Variants in NAA15 observed in about 807,000 individuals in gnomAD.
NAA15 encodes the protein N-alpha-acetyltransferase 15, NatA auxiliary subunit.
NAA15 carries 34 observed loss-of-function variants against 114.0 expected under a neutral mutation model. The observed-to-expected ratio is 0.30, with a 90% CI of 0.23 to 0.40. The LOEUF (loss-of-function observed/expected upper bound fraction) is 0.40, where lower values mean the gene tolerates loss of function less well. Ranked by LOEUF, NAA15 falls within the 10% of genes least tolerant of loss-of-function variation. The pLI, the probability that NAA15 is intolerant of heterozygous loss-of-function variation, is 1.00. For missense variants in NAA15, 658 were observed against 1,004.5 expected (o/e 0.66, Z 4.66); for synonymous variants, 340 against 338.0 (o/e 1.01, Z -0.06).
chr4:139,376,771 A>C (rs112029241), intron 16 of NAA15, among the ~76,000 whole-genome samples: 1,999 of 152,368 alleles, frequency 0.013, 39 homozygotes, highest in African/African-American at 0.045. Flanking sequence ...GTTAATACAC[A>C]GAGCTTAGAC....
At chr4:139,383,433 C>T (rs1333623591) in intron 17 of NAA15, among the ~76,000 whole-genome samples, 1 of 152,136 alleles carries the variant, frequency 6.6e-6, no homozygotes, top group Non-Finnish European at 1.5e-5. Flanking sequence ...TCTCTAAATC[C>T]CAAGGCCTGG....
intron 1 of NAA15, among the ~76,000 whole-genome samples, chr4:139,333,355 A>G (rs1560961510): frequency 3.3e-5 from 5 of 152,198 alleles, no homozygotes. Context: ...ACTTTCAAAT[A>G]AGAGTGCATT....
At chr4:139,364,950 CAGT>C (rs1473540047) in intron 14 of NAA15, among the ~76,000 whole-genome samples, 3 of 152,132 alleles carry the variant, frequency 2.0e-5, no homozygotes, top group Non-Finnish European at 4.4e-5. Flanking sequence ...GTTGCTGAAA[CAGT>C]GGTGATTAGT....
At chr4:139,332,633 A>G (rs1182579527) in intron 1 of NAA15, among the ~76,000 whole-genome samples, 1 of 111,386 alleles carries the variant, frequency 9.0e-6, no homozygotes, top group Non-Finnish European at 1.6e-5. Flanking sequence ...CCCAGGCTGG[A>G]GTGTGGTGGT....
intron 12 of NAA15, 149 bp downstream of exon 12, chr4:139,360,044 C>T (rs1029675952): frequency 4.2e-6 from 3 of 722,384 alleles, no homozygotes; most frequent in African/African-American, 3.7e-5. Context: ...TCAGAAGATA[C>T]TGGAGTCAAC....
intron 14 of NAA15, among the ~76,000 whole-genome samples, chr4:139,363,187 T>C (rs1443333715): frequency 6.6e-6 from 1 of 152,234 alleles, no homozygotes; most frequent in Non-Finnish European, 1.5e-5. Flanking sequence ...CTGGCTTCTT[T>C]TGTTTTTCTT....
intron 2 of NAA15, 142 bp downstream of exon 2, chr4:139,334,400 C>A: frequency 2.1e-6 from 1 of 473,154 alleles, no homozygotes; most frequent in South Asian, 5.3e-5. Flanking sequence ...AAATTTAATA[C>A]TGAATTTTGA....
chr4:139,336,490 A>G (rs1181359128), intron 2 of NAA15, among the ~76,000 whole-genome samples: 1 of 152,128 alleles, frequency 6.6e-6, no homozygotes, highest in African/African-American at 2.4e-5. Flanking sequence ...TATTTTCAAG[A>G]TAAAGTTTTT....
At chr4:139,351,167 C>T in intron 7 of NAA15, 24 bp from the exon 8 acceptor site, 2 of 1,337,022 alleles carry the variant, frequency 1.5e-6, no homozygotes, top group Non-Finnish European at 2.1e-6. Flanking sequence ...TTATATATAA[C>T]AAAGAATTTT....
intron 19 of NAA15, among the ~76,000 whole-genome samples, chr4:139,387,652 C>G (rs1049904258): frequency 3.9e-5 from 6 of 152,208 alleles, no homozygotes; most frequent in Non-Finnish European, 8.8e-5. Context: ...AGTCCCATTC[C>G]TGTTTCTGCA....
At chr4:139,385,171 AC>A (rs899955292) in intron 18 of NAA15, among the ~76,000 whole-genome samples, 193 bp downstream of exon 18, 33 of 150,590 alleles carry the variant, frequency 2.2e-4, no homozygotes, top group South Asian at 8.4e-4. Flanking sequence ...AGTCCCAGCT[AC>A]TCAGGATGCT....
At chr4:139,375,422 C>A (rs749481455) in intron 15 of NAA15, among the ~76,000 whole-genome samples, 1 of 152,064 alleles carries the variant, frequency 6.6e-6, no homozygotes, top group Non-Finnish European at 1.5e-5. Context: ...CGTGGTGAAT[C>A]CCATAGAATT....
chr4:139,347,949 G>A (rs1471909307), intron 6 of NAA15, among the ~76,000 whole-genome samples: 1 of 150,640 alleles, frequency 6.6e-6, no homozygotes, highest in African/African-American at 2.4e-5. Context: ...GGAGAATGGC[G>A]TGAACCCGGG....
chr4:139,381,097 C>T (rs1014686504), intron 17 of NAA15, among the ~76,000 whole-genome samples: 42 of 152,112 alleles, frequency 2.8e-4, no homozygotes, highest in Admixed American at 1.9e-3. Context: ...TGGATTTTAG[C>T]ATGGTTACTG....
At chr4:139,358,998 G>A (rs960074970) in intron 11 of NAA15, among the ~76,000 whole-genome samples, 2 of 151,702 alleles carry the variant, frequency 1.3e-5, no homozygotes, top group Admixed American at 6.6e-5. Flanking sequence ...CCAGCTACTC[G>A]GGAGGCTGAG....
chr4:139,302,838 A>G (rs138097805), intron 1 of NAA15, among the ~76,000 whole-genome samples: 29 of 152,342 alleles, frequency 1.9e-4, no homozygotes, highest in African/African-American at 6.3e-4. Flanking sequence ...CCTTGGAGCT[A>G]TAATTAACAC....
chr4:139,302,034 T>G, intron 1 of NAA15: 1 of 463,652 alleles, frequency 2.2e-6, no homozygotes, highest in Non-Finnish European at 3.7e-6. Flanking sequence ...GGCTTCTTCA[T>G]TCCATCCCCA....
intron 17 of NAA15, among the ~76,000 whole-genome samples, chr4:139,380,064 C>T (rs954800536): frequency 1.3e-5 from 2 of 152,214 alleles, no homozygotes; most frequent in African/African-American, 2.4e-5. Flanking sequence ...ACAACAACAT[C>T]GTTTTGACTT....
chr4:139,319,412 TG>T (rs936458075), intron 1 of NAA15, among the ~76,000 whole-genome samples: 6 of 150,856 alleles, frequency 4.0e-5, no homozygotes, highest in African/African-American at 7.3e-5. Context: ...AGCCAAAAGT[TG>T]TATTTCTTTT....
Sources: gnomAD v4.1 joint callset for allele counts (sites outside exome capture counted in the v4.1 genomes callset) on GRCh38, gnomAD v4.1.1 for gene constraint, MANE v1.5 for transcripts, NCBI Gene and HGNC (gene_info 2026-07-23, HGNC 2026-07-21) for gene names.